The following PTPRD variants were observed in gnomAD, a reference collection of about 807,000 sequenced individuals.
The protein encoded by PTPRD is protein tyrosine phosphatase receptor type D.
A neutral mutation model predicts 214.5 loss-of-function variants in PTPRD; 34 were observed. The ratio of observed to expected loss-of-function variants is 0.16; its 90% confidence interval spans 0.12 to 0.21. The LOEUF (loss-of-function observed/expected upper bound fraction) is 0.21, where lower values mean the gene tolerates loss of function less well. Ranked by LOEUF, PTPRD falls within the 10% of genes least tolerant of loss-of-function variation. The pLI, the probability that PTPRD is intolerant of heterozygous loss-of-function variation, is 1.00. For synonymous variants in PTPRD, 1,128 were observed against 845.7 expected, an observed-to-expected ratio of 1.33 and a Z score of -5.79; for missense variants, 2,545 against 2,398.7, an observed-to-expected ratio of 1.06 and a Z score of -1.27.
intron 2 of PTPRD, among the ~76,000 whole-genome samples, chr9:10,452,283 T>C (rs1389987442): frequency 2.0e-5 from 3 of 151,866 alleles, no homozygotes; most frequent in South Asian, 2.1e-4. Flanking sequence ...TCAGGGAACA[T>C]GGGGGTACAG....
intron 12 of PTPRD, among the ~76,000 whole-genome samples, chr9:8,708,440 G>A (rs930488183): frequency 6.6e-6 from 1 of 151,912 alleles, no homozygotes; most frequent in Non-Finnish European, 1.5e-5. Context: ...TTGGGAGGCC[G>A]AGGTGGGCGG....
chr9:10,218,796 G>A (rs2099553104), intron 3 of PTPRD, among the ~76,000 whole-genome samples: 1 of 151,656 alleles, frequency 6.6e-6, no homozygotes, highest in South Asian at 2.1e-4. Context: ...TTGTTACTAT[G>A]TTGCTTGAAT....
intron 12 of PTPRD, among the ~76,000 whole-genome samples, chr9:8,699,673 A>G (rs2098026863): frequency 6.6e-6 from 1 of 152,210 alleles, no homozygotes; most frequent in African/African-American, 2.4e-5. Context: ...TGTACTAAAT[A>G]AACAAGTTGT....
At chr9:8,558,348 C>G (rs978098012) in intron 14 of PTPRD, among the ~76,000 whole-genome samples, 3 of 152,208 alleles carry the variant, frequency 2.0e-5, no homozygotes, top group African/African-American at 7.2e-5. Context: ...GTACTATTTC[C>G]TAATAGTGAT....
chr9:9,097,498 G>A (rs1359229755), intron 10 of PTPRD, among the ~76,000 whole-genome samples: 1 of 150,786 alleles, frequency 6.6e-6, no homozygotes, highest in Admixed American at 6.6e-5. Flanking sequence ...AAGCTCTGCC[G>A]CCCGGATTCA....
chr9:9,533,359 T>C (rs745665858), intron 8 of PTPRD, among the ~76,000 whole-genome samples: 13 of 152,076 alleles, frequency 8.5e-5, no homozygotes, highest in Non-Finnish European at 1.8e-4. Flanking sequence ...CCGGCCAAAA[T>C]GCATTCATTA....
chr9:9,843,525 A>G (rs565006742), intron 5 of PTPRD, among the ~76,000 whole-genome samples: 7 of 152,064 alleles, frequency 4.6e-5, no homozygotes, highest in Admixed American at 1.3e-4. Context: ...TATAAGAATT[A>G]TAATACCTGC....
Position 8,527,359 on chromosome 9 carries a change from G to T in PTPRD, c.542-6C>A. The T allele has an allele frequency of 6.2e-7, 1 of 1,606,668 alleles. No homozygotes were observed. The highest frequency in any genetic ancestry group is 2.2e-5 in the East Asian group (1 of 44,762). ...TAAGCACTTACCAATAGATTCTGGA[G>T]ATTTAAATACGGAGAGAAGAAAGAC... On this transcript the variant is annotated splice_polypyrimidine_tract_variant and splice_region_variant and intron_variant, in intron 15 of 45. Transcript: ENST00000381196.
chr9:9,488,750 G>A (rs900891557), intron 8 of PTPRD, among the ~76,000 whole-genome samples: 9 of 152,074 alleles, frequency 5.9e-5, no homozygotes, highest in East Asian at 1.9e-4. Context: ...GCTCAGACTG[G>A]GAATTGCAGT....
At chr9:10,207,286 T>C (rs535787949) in intron 3 of PTPRD, among the ~76,000 whole-genome samples, 14 of 152,234 alleles carry the variant, frequency 9.2e-5, no homozygotes, top group Non-Finnish European at 1.6e-4. Flanking sequence ...TCTCTTTAAT[T>C]CAGCATAACA....
Position 10,247,548 on chromosome 9 carries a change from G to A in PTPRD, c.-545+93415C>T, listed in dbSNP as rs370311865. ...TATGATCCAACACTTTATAAATTCAGCGTTATTTCCAGTTATAGTTGCTGT... is the reference window on the plus strand; with the variant it reads ...TATGATCCAACACTTTATAAATTCAACGTTATTTCCAGTTATAGTTGCTGT... On this transcript the variant is annotated intron_variant, in intron 3 of 45. Transcript: ENST00000381196. 3.3e-5 allele frequency among the ~76,000 whole-genome samples: 5 copies of A among 151,992 alleles called. No homozygotes were observed. The South Asian group carries it at 1.0e-3, about 32-fold the overall frequency.
chr9:10,456,936 A>AT (rs1488675396), intron 2 of PTPRD, among the ~76,000 whole-genome samples: 1 of 151,822 alleles, frequency 6.6e-6, no homozygotes, highest in Non-Finnish European at 1.5e-5. Context: ...TATGAAGCAC[A>AT]TTTTTTCTTT....
At chr9:8,754,273 G>T (rs1225241172) in intron 11 of PTPRD, among the ~76,000 whole-genome samples, 1 of 152,056 alleles carries the variant, frequency 6.6e-6, no homozygotes, top group Non-Finnish European at 1.5e-5. Context: ...TAATTTATAA[G>T]AAAATGCAAA....
chr9:10,609,847 T>C (rs1463781832), intron 2 of PTPRD, among the ~76,000 whole-genome samples: 1 of 152,156 alleles, frequency 6.6e-6, no homozygotes, highest in African/African-American at 2.4e-5. Flanking sequence ...TTTATGTTGC[T>C]ATAGTTACAA....
intron 2 of PTPRD, among the ~76,000 whole-genome samples, chr9:10,416,873 T>A (rs1038725300): frequency 4.0e-5 from 6 of 151,766 alleles, no homozygotes; most frequent in Non-Finnish European, 8.8e-5. Flanking sequence ...AGGAGAGAGT[T>A]CTGAGGTGAG....
At chr9:10,534,717 GA>G (rs945220464) in intron 2 of PTPRD, among the ~76,000 whole-genome samples, 1 of 151,466 alleles carries the variant, frequency 6.6e-6, no homozygotes, top group Non-Finnish European at 1.5e-5. Context: ...AGAAGAAGAA[GA>G]AAAAAAAGCA....
At chr9:9,292,079 G>A (rs1951339499) in intron 9 of PTPRD, among the ~76,000 whole-genome samples, 1 of 151,296 alleles carries the variant, frequency 6.6e-6, no homozygotes, top group Non-Finnish European at 1.5e-5. Context: ...GAGCTTTGCA[G>A]CTTTGTATTA....
chr9:10,409,920 C>A (rs934777305), intron 2 of PTPRD, among the ~76,000 whole-genome samples: 4 of 151,670 alleles, frequency 2.6e-5, no homozygotes, highest in Admixed American at 1.3e-4. Context: ...GCAGCCCTGA[C>A]TGACATCTTG....
intron 39 of PTPRD, among the ~76,000 whole-genome samples, 154 bp downstream of exon 39, chr9:8,375,782 A>G (rs938865668): frequency 6.6e-6 from 1 of 152,054 alleles, no homozygotes; most frequent in African/African-American, 2.4e-5. Flanking sequence ...AATCCATCCT[A>G]TTGATGTTAG....
Sources: gnomAD v4.1 joint callset for allele counts (sites outside exome capture counted in the v4.1 genomes callset) on GRCh38, gnomAD v4.1.1 for gene constraint, MANE v1.5 for transcripts, NCBI Gene and HGNC (gene_info 2026-07-23, HGNC 2026-07-21) for gene names.